BMPR1B: variants seen among roughly 807,000 people sequenced by gnomAD.
BMPR1B encodes the protein bone morphogenetic protein receptor type-1B.
Under a neutral mutation model 59.1 loss-of-function variants are expected in BMPR1B, and 12 were observed. The ratio of observed to expected loss-of-function variants is 0.20; its 90% CI spans 0.13 to 0.33. The LOEUF (loss-of-function observed/expected upper bound fraction) is 0.33, where lower values mean the gene tolerates loss of function less well. Ranked by LOEUF, BMPR1B falls within the 10% of genes least tolerant of loss-of-function variation. The pLI, the probability that BMPR1B is intolerant of heterozygous loss-of-function variation, is 1.00. For synonymous variants in BMPR1B, 237 were observed against 207.3 expected (o/e 1.14, Z -1.23); for missense variants, 550 against 610.9 (o/e 0.90, Z 1.05).
intron 8 of BMPR1B, among the ~76,000 whole-genome samples, chr4:95,128,832 A>C (rs1733089589): frequency 6.6e-6 from 1 of 152,122 alleles, no homozygotes; most frequent in Non-Finnish European, 1.5e-5. Context: ...TCAGAATTCC[A>C]GTATGTAATC....
chr4:94,790,795 A>AT (rs1722954081), intron 1 of BMPR1B, among the ~76,000 whole-genome samples: 2 of 152,126 alleles, frequency 1.3e-5, no homozygotes, highest in African/African-American at 2.4e-5. Context: ...GACAACACAC[A>AT]TTTTAGTTTT....
chr4:94,825,796 A>T (rs192543913), intron 1 of BMPR1B, among the ~76,000 whole-genome samples: 3 of 152,154 alleles, frequency 2.0e-5, no homozygotes, highest in Middle Eastern at 3.2e-3. Flanking sequence ...ATTGCAGTCT[A>T]TTTTTCTGAA....
chr4:94,884,582 A>G (rs1727101374), intron 2 of BMPR1B, among the ~76,000 whole-genome samples: 1 of 152,132 alleles, frequency 6.6e-6, no homozygotes, highest in Admixed American at 6.5e-5. Context: ...TTCAAATTGG[A>G]TAAGAGTTGT....
At chr4:95,143,127 G>A (rs2149318764) in intron 10 of BMPR1B, among the ~76,000 whole-genome samples, 1 of 152,216 alleles carries the variant, frequency 6.6e-6, no homozygotes, top group East Asian at 1.9e-4. Flanking sequence ...CACACAAGCA[G>A]CCCCATGACT....
At chr4:94,781,511 C>G (rs1407829863) in intron 1 of BMPR1B, among the ~76,000 whole-genome samples, 2 of 152,142 alleles carry the variant, frequency 1.3e-5, no homozygotes, top group Non-Finnish European at 2.9e-5. Flanking sequence ...CTCCCAGATT[C>G]AAGCGATTCC....
chr4:94,770,180 GT>G lies in BMPR1B; in HGVS notation c.-183+12113del, dbSNP rs1373985951. ...TTTGTTTGAATTGTCCTTCGTTTCTGTGTTTGTTTTTTTTTTTTTTTTTTGC... is the reference window on the plus strand; with the variant it reads ...TTTGTTTGAATTGTCCTTCGTTTCTGGTTTGTTTTTTTTTTTTTTTTTTGC... On this transcript the variant is annotated intron_variant, in intron 1 of 12. Transcript: ENST00000515059. Among the ~76,000 whole-genome samples the G allele has an allele frequency of 2.1e-3, 223 of 106,242 alleles. 4 individuals carry two copies. Among genetic ancestry groups the G allele is most frequent in the African/African-American group, 6.0e-3 (144 of 24,192 alleles). 69.7% of individuals were successfully genotyped at this position (106,242 alleles called of 152,430 possible).
At chr4:95,076,033 TA>T (rs1405084216) in intron 3 of BMPR1B, among the ~76,000 whole-genome samples, 2 of 152,138 alleles carry the variant, frequency 1.3e-5, no homozygotes, top group Non-Finnish European at 2.9e-5. Flanking sequence ...GTGTAAATAC[TA>T]AAATGTACAG....
chr4:95,060,982 A>G (rs1052161865), intron 3 of BMPR1B, among the ~76,000 whole-genome samples: 1 of 152,126 alleles, frequency 6.6e-6, no homozygotes, highest in Non-Finnish European at 1.5e-5. Flanking sequence ...TACCCAGGGA[A>G]TGACTGTGTG....
intron 1 of BMPR1B, among the ~76,000 whole-genome samples, chr4:94,831,151 C>T (rs900835530): frequency 7.4e-5 from 11 of 148,560 alleles, no homozygotes; most frequent in African/African-American, 2.2e-4. Flanking sequence ...AGGGGAAAGA[C>T]AGTGACATTG....
chr4:95,052,404 G>A (rs902538893), intron 3 of BMPR1B, among the ~76,000 whole-genome samples: 1 of 152,152 alleles, frequency 6.6e-6, no homozygotes, highest in Non-Finnish European at 1.5e-5. Flanking sequence ...GAGTGGTTGA[G>A]CTATTTTCAA....
At chr4:95,081,572 G>C (rs779318074) in intron 3 of BMPR1B, among the ~76,000 whole-genome samples, 1 of 152,136 alleles carries the variant, frequency 6.6e-6, no homozygotes, top group Non-Finnish European at 1.5e-5. Flanking sequence ...CAGATGGCCA[G>C]TGCCTGTTGT....
intron 2 of BMPR1B, among the ~76,000 whole-genome samples, chr4:94,914,976 T>A (rs565780603): frequency 6.6e-6 from 1 of 152,264 alleles, no homozygotes; most frequent in Non-Finnish European, 1.5e-5. Flanking sequence ...AAGCTGATGA[T>A]CACGCAATAC....
In BMPR1B at chr4:94,837,388, A is replaced by T. The variant is rs997466233; in HGVS notation, c.-182-38443A>T. On this transcript the variant is annotated intron_variant, in intron 1 of 12. Coordinates refer to ENST00000515059, the MANE Select transcript of BMPR1B (RefSeq NM_001203.3). ...TTCACGATATTGATTCTTCCTACCC[A>T]TGAGAATGGAATGTTCTTCCATTTG... Among the ~76,000 whole-genome samples the T allele has an allele frequency of 2.2e-5, 3 of 138,202 alleles. 1 individual carries two copies. The highest frequency in any genetic ancestry group is 8.4e-5 in the African/African-American group (3 of 35,914). The allele number at this position is 138,202 out of a possible 152,430, so 90.7% of individuals were successfully genotyped here.
At chr4:94,998,457 T>G (rs1203421620) in intron 3 of BMPR1B, among the ~76,000 whole-genome samples, 2 of 151,468 alleles carry the variant, frequency 1.3e-5, no homozygotes, top group African/African-American at 4.9e-5. Flanking sequence ...CACTGCAACC[T>G]CCGTCTCCTG....
At chr4:94,868,087 T>A (rs913497937) in intron 1 of BMPR1B, among the ~76,000 whole-genome samples, 5 of 151,772 alleles carry the variant, frequency 3.3e-5, no homozygotes, top group Non-Finnish European at 5.9e-5. Context: ...AATCTAGAAG[T>A]TTTGGGCTCA....
intron 1 of BMPR1B, among the ~76,000 whole-genome samples, chr4:94,827,470 G>T (rs564701697): frequency 6.7e-4 from 102 of 152,098 alleles, no homozygotes; most frequent in Middle Eastern, 3.4e-3. Context: ...GCACATTACT[G>T]CCTCTTGATA....
chr4:94,765,595 G>A (rs1218676317), intron 1 of BMPR1B, among the ~76,000 whole-genome samples: 3 of 152,124 alleles, frequency 2.0e-5, no homozygotes, highest in Non-Finnish European at 2.9e-5. Context: ...ACAACAGAGA[G>A]GGGACATAAT....
At chr4:94,856,154 A>T (rs970484947) in intron 1 of BMPR1B, among the ~76,000 whole-genome samples, 25 of 152,192 alleles carry the variant, frequency 1.6e-4, no homozygotes, top group African/African-American at 5.8e-4. Context: ...AGCTATCCAA[A>T]GTAAGAAATG....
chr4:95,070,933 C>T (rs955063609), intron 3 of BMPR1B, among the ~76,000 whole-genome samples: 1 of 152,058 alleles, frequency 6.6e-6, no homozygotes, highest in African/African-American at 2.4e-5. Context: ...CTTTCATAGC[C>T]ATTTCCTTTT....
Sources: gnomAD v4.1 joint callset for allele counts (sites outside exome capture counted in the v4.1 genomes callset) on GRCh38, gnomAD v4.1.1 for gene constraint, MANE v1.5 for transcripts, NCBI Gene and HGNC (gene_info 2026-07-23, HGNC 2026-07-21) for gene names.